Variants in TMEM236 observed in about 807,000 individuals in gnomAD.
TMEM236 encodes family with sequence similarity 23, member A.
A neutral mutation model predicts 14.7 loss-of-function variants in TMEM236; 11 were observed. The ratio of observed to expected loss-of-function variants is 0.75; its 90% confidence interval spans 0.47 to 1.24. The LOEUF is 1.24. TMEM236 is among the 50% of genes most tolerant of loss of function. The pLI is 0.00. For synonymous variants in TMEM236, 182 were observed against 168.6 expected (o/e 1.08, Z -0.62); for missense variants, 464 against 427.3 (o/e 1.09, Z -0.76).
At position 17,776,103 on chromosome 10, in the gene TMEM236, G is replaced by C. The variant is rs1160764606; in HGVS notation, c.405G>C (p.Leu135=). ...CTGACCTGCCCGTATCTCTGGTTCT[G>C]TTATCCCTGATCATGGTTGATATTA... ...MLPDLPVSLV[L]LSLIMVDIIE... is the part of the protein sequence containing the mutation. The change falls in exon 3 of 4, where the codon CTG becomes CTC. Residue 135 remains leucine (L), a synonymous_variant. Coordinates refer to ENST00000377495, the MANE Select transcript of TMEM236 (RefSeq NM_001098844.3). The C allele has an allele frequency of 1.2e-6, 2 of 1,613,776 alleles. No individual in the cohort carries two copies. The highest frequency in any genetic ancestry group is 4.5e-5 in the East Asian group (2 of 44,860).
chr10:17,775,132 C>A (rs1048459314), intron 2 of TMEM236, among the ~76,000 whole-genome samples: 2 of 152,146 alleles, frequency 1.3e-5, no homozygotes, highest in East Asian at 1.9e-4. Context: ...TGGCGCATTA[C>A]CCTGGCTAAG....
intron 3 of TMEM236, among the ~76,000 whole-genome samples, chr10:17,782,141 C>G (rs1222496859): frequency 6.6e-6 from 1 of 151,900 alleles, no homozygotes; most frequent in Admixed American, 6.6e-5. Context: ...GCAGAGTGAC[C>G]CGTCTTGGTG....
chr10:17,758,340 G>GC (rs1837311360), intron 1 of TMEM236, among the ~76,000 whole-genome samples: 3 of 152,200 alleles, frequency 2.0e-5, no homozygotes. Context: ...GAAGGTCCAG[G>GC]CTGGTGTCAT....
At chr10:17,791,603 A>G (rs1837927001) in intron 3 of TMEM236, among the ~76,000 whole-genome samples, 1 of 152,232 alleles carries the variant, frequency 6.6e-6, no homozygotes, top group Non-Finnish European at 1.5e-5. Flanking sequence ...TCCTCTCTGC[A>G]TCCCCCACCT....
At chr10:17,772,439 AT>A (rs1837587996) in intron 2 of TMEM236, among the ~76,000 whole-genome samples, 2 of 152,210 alleles carry the variant, frequency 1.3e-5, no homozygotes, top group African/African-American at 4.8e-5. Flanking sequence ...CTTGTAAATC[AT>A]TTGGAAGGTT....
chr10:17,762,084 A>G (rs1010904058), intron 1 of TMEM236, among the ~76,000 whole-genome samples: 21 of 152,216 alleles, frequency 1.4e-4, no homozygotes, highest in African/African-American at 3.9e-4. Context: ...ATCAGCTCGC[A>G]TAATATAAAC....
intron 1 of TMEM236, among the ~76,000 whole-genome samples, chr10:17,755,061 C>T (rs912938326): frequency 1.3e-5 from 2 of 151,818 alleles, no homozygotes; most frequent in East Asian, 3.9e-4. Flanking sequence ...GCCTCAGCCT[C>T]CTGAGTTGCT....
intron 3 of TMEM236, among the ~76,000 whole-genome samples, chr10:17,790,442 G>T (rs1270170849): frequency 6.6e-6 from 1 of 152,206 alleles, no homozygotes; most frequent in African/African-American, 2.4e-5. Context: ...TGTAGTCCCA[G>T]ATAGTTGGGA....
chr10:17,798,374 AC>A lies in TMEM236; in HGVS notation c.*1871del. 2.8e-6 allele frequency: 1 copy of A among 359,116 alleles called. No homozygotes were observed. The highest frequency in any genetic ancestry group is 2.1e-5 in the African/African-American group (1 of 46,800). The allele number at this position is 359,116 out of a possible 1,614,324, so 22.2% of individuals were successfully genotyped here. On this transcript the variant is annotated 3_prime_UTR_variant, in exon 4 of 4. Transcript: ENST00000377495. ...GGCAACATGGAGAGATTCTACCTCT[AC>A]AAAAAATACAAAAATTAGCTGGGCA...
intron 3 of TMEM236, among the ~76,000 whole-genome samples, chr10:17,787,562 T>C (rs998327656): frequency 1.2e-4 from 18 of 152,172 alleles, no homozygotes; most frequent in Non-Finnish European, 2.1e-4. Context: ...GCAGGTTTTT[T>C]CCCCAGAATG....
At chr10:17,762,764 C>G (rs959133023) in intron 1 of TMEM236, among the ~76,000 whole-genome samples, 1 of 151,204 alleles carries the variant, frequency 6.6e-6, no homozygotes, top group Non-Finnish European at 1.5e-5. Context: ...ACTTCCCAGG[C>G]TCAAGTGATC....
intron 3 of TMEM236, among the ~76,000 whole-genome samples, chr10:17,781,461 G>T (rs888427615): frequency 1.3e-5 from 2 of 152,050 alleles, no homozygotes; most frequent in African/African-American, 4.8e-5. Flanking sequence ...CATGCAGCCC[G>T]GCGTGGTGGC....
chr10:17,768,278 T>C (rs994894607), intron 1 of TMEM236, among the ~76,000 whole-genome samples: 28 of 152,140 alleles, frequency 1.8e-4, no homozygotes, highest in African/African-American at 6.5e-4. Context: ...TAGGCACATA[T>C]ATTGTTATGA....
chr10:17,763,030 C>T (rs1837402404), intron 1 of TMEM236, among the ~76,000 whole-genome samples: 1 of 152,152 alleles, frequency 6.6e-6, no homozygotes, highest in Non-Finnish European at 1.5e-5. Flanking sequence ...TCAGGTACTG[C>T]CTCCATCCTC....
chr10:17,762,268 C>T (rs1837377880), intron 1 of TMEM236, among the ~76,000 whole-genome samples: 1 of 152,008 alleles, frequency 6.6e-6, no homozygotes, highest in Non-Finnish European at 1.5e-5. Context: ...GGCAGAGTTC[C>T]ATCAACCATT....
intron 1 of TMEM236, among the ~76,000 whole-genome samples, chr10:17,757,237 G>T (rs1475432135): frequency 1.3e-5 from 2 of 152,168 alleles, no homozygotes; most frequent in Non-Finnish European, 2.9e-5. Flanking sequence ...AAGTGTACAT[G>T]CTAAAGTTCT....
At chr10:17,768,086 GTTTT>G (rs879036347) in intron 1 of TMEM236, among the ~76,000 whole-genome samples, 12 of 92,020 alleles carry the variant, frequency 1.3e-4, no homozygotes, top group South Asian at 3.3e-4. Flanking sequence ...AATTTTTGTG[GTTTT>G]TTTTTTTTTT....
At position 17,755,601 on chromosome 10, in the gene TMEM236, G is replaced by A. The variant is rs1837273779; in HGVS notation, c.257+3049G>A. Among the ~76,000 whole-genome samples, 6 of 152,132 alleles carry A rather than the reference G, an allele frequency of 3.9e-5. 1 individual carries two copies. In the South Asian group the frequency reaches 1.2e-3, roughly 32 times the overall value. ...TTTCCAAACCTTGACCAGAGCCCCA[G>A]GGTCACCTAAGGGGTAGCTTGGAGC... On this transcript the variant is annotated intron_variant, in intron 1 of 3. Coordinates refer to ENST00000377495, the MANE Select transcript of TMEM236 (RefSeq NM_001098844.3).
intron 1 of TMEM236, among the ~76,000 whole-genome samples, 181 bp downstream of exon 1, chr10:17,752,733 ATT>A (rs1308073080): frequency 6.6e-6 from 1 of 151,658 alleles, no homozygotes; most frequent in African/African-American, 2.4e-5. Flanking sequence ...CACCTGGCTT[ATT>A]TTTGCATTTT....
Sources: gnomAD v4.1 joint callset for allele counts (sites outside exome capture counted in the v4.1 genomes callset) on GRCh38, gnomAD v4.1.1 for gene constraint, MANE v1.5 for transcripts, NCBI Gene and HGNC (gene_info 2026-07-23, HGNC 2026-07-21) for gene names.